LGSN: variants seen among roughly 807,000 people sequenced by gnomAD.
LGSN encodes lengsin, lens protein with glutamine synthetase domain.
In LGSN, 21 loss-of-function variants were observed where a neutral mutation model predicts 19.5. That is an observed-to-expected ratio of 1.07 (90% CI 0.76 to 1.55). LGSN has a LOEUF of 1.55. Ranked by LOEUF, LGSN falls within the 40% of genes most tolerant of loss-of-function variation. The pLI is 0.00. For missense variants in LGSN, 673 were observed against 608.5 expected (o/e 1.11, Z -1.12); for synonymous variants, 257 against 215.6 (o/e 1.19, Z -1.68).
intron 2 of LGSN, 108 bp downstream of exon 2, chr6:63,294,805 T>C: frequency 9.2e-7 from 1 of 1,087,772 alleles, no homozygotes. Context: ...CTTTTATTTG[T>C]CCTTTTGCTT....
chr6:63,547,898 AC>A, the LGSN span, among the ~76,000 whole-genome samples: 4 of 152,112 alleles, frequency 2.6e-5, no homozygotes, highest in Admixed American at 2.6e-4. Flanking sequence ...TTATTTAAAA[AC>A]CACAAATTTG....
chr6:63,516,747 T>C, the LGSN span, among the ~76,000 whole-genome samples: 1 of 152,218 alleles, frequency 6.6e-6, no homozygotes, highest in Non-Finnish European at 1.5e-5. Flanking sequence ...GGCAATGGCA[T>C]GTGCTACTTC....
chr6:63,559,638 A>C, the LGSN span, among the ~76,000 whole-genome samples: 1 of 152,058 alleles, frequency 6.6e-6, no homozygotes, highest in South Asian at 2.1e-4. Context: ...CCAGCTACTC[A>C]GGAGGCTGAG....
chr6:63,470,240 G>A, the LGSN span, among the ~76,000 whole-genome samples: 31 of 151,778 alleles, frequency 2.0e-4, no homozygotes, highest in Non-Finnish European at 2.1e-4. Context: ...GGCCAAGGTG[G>A]GCAGATCACC....
chr6:63,338,925 C>G, the LGSN span, among the ~76,000 whole-genome samples: 1 of 152,066 alleles, frequency 6.6e-6, no homozygotes, highest in Admixed American at 6.5e-5. Flanking sequence ...TTCATAGACC[C>G]AATTATTATT....
chr6:63,319,814 T>C (rs529989487), intron 1 of LGSN, 100 bp downstream of exon 1: 74 of 807,062 alleles, frequency 9.2e-5, no homozygotes, highest in African/African-American at 9.0e-4. Context: ...AGTATAATTA[T>C]GCTGCCCTTA....
the LGSN span, among the ~76,000 whole-genome samples, chr6:63,503,945 C>A: frequency 2.0e-5 from 3 of 151,808 alleles, no homozygotes; most frequent in Non-Finnish European, 2.9e-5. Flanking sequence ...ACAACAATGA[C>A]AAATATATAA....
chr6:63,465,459 G>A, the LGSN span, among the ~76,000 whole-genome samples: 2 of 151,676 alleles, frequency 1.3e-5, no homozygotes, highest in South Asian at 2.1e-4. Flanking sequence ...TGGGATTACA[G>A]GCATGAGCCA....
the LGSN span, among the ~76,000 whole-genome samples, chr6:63,384,764 C>T: frequency 8.6e-4 from 131 of 152,190 alleles, no homozygotes; most frequent in African/African-American, 2.9e-3. Flanking sequence ...CAGGTGATCC[C>T]GCCTCAGCCT....
At chr6:63,544,644 T>C in the LGSN span, among the ~76,000 whole-genome samples, 1 of 152,190 alleles carries the variant, frequency 6.6e-6, no homozygotes, top group Non-Finnish European at 1.5e-5. Flanking sequence ...TTATCTTCTA[T>C]ATGACCTTGA....
At chr6:63,322,893 C>A (rs1435851831), upstream of LGSN, among the ~76,000 whole-genome samples, 1 of 152,172 alleles carries the variant, frequency 6.6e-6, no homozygotes, top group Non-Finnish European at 1.5e-5. Context: ...GTGTCCTTTT[C>A]ATTTGTTTCA....
chr6:63,543,983 T>C, the LGSN span, among the ~76,000 whole-genome samples: 1 of 152,244 alleles, frequency 6.6e-6, no homozygotes, highest in African/African-American at 2.4e-5. Context: ...GTCCAGAGTT[T>C]AATGAACTTT....
the LGSN span, among the ~76,000 whole-genome samples, chr6:63,507,638 A>G: frequency 2.6e-5 from 4 of 152,270 alleles, no homozygotes; most frequent in East Asian, 5.8e-4. Context: ...CCTGGACCTC[A>G]TAAGTTGTAT....
the LGSN span, among the ~76,000 whole-genome samples, chr6:63,430,172 G>T: frequency 6.6e-6 from 1 of 152,042 alleles, no homozygotes; most frequent in African/African-American, 2.4e-5. Flanking sequence ...CCTTCCCATT[G>T]TCCCATTTCA....
chr6:63,465,820 G>T, the LGSN span, among the ~76,000 whole-genome samples: 1 of 152,076 alleles, frequency 6.6e-6, no homozygotes, highest in Non-Finnish European at 1.5e-5. Flanking sequence ...TGAATTTGTG[G>T]ATATTCTGGA....
chr6:63,325,103 CAA>C, the LGSN span, among the ~76,000 whole-genome samples: 18 of 65,252 alleles, frequency 2.8e-4, no homozygotes, highest in South Asian at 1.1e-3. Context: ...AACTCTGTCT[CAA>C]AAAAAAAAAA....
the LGSN span, among the ~76,000 whole-genome samples, chr6:63,397,735 T>C: frequency 6.6e-6 from 1 of 152,084 alleles, no homozygotes; most frequent in Non-Finnish European, 1.5e-5. Flanking sequence ...CTGGCCAACA[T>C]GGTGAAACCC....
the LGSN span, among the ~76,000 whole-genome samples, chr6:63,487,915 G>C: frequency 6.6e-6 from 1 of 151,938 alleles, no homozygotes. Context: ...AAGAGATGGA[G>C]GTTGCAGTGA....
chr6:63,349,152 G>C, the LGSN span, among the ~76,000 whole-genome samples: 449 of 151,836 alleles, frequency 3.0e-3, 3 homozygotes, highest in African/African-American at 0.01. Flanking sequence ...TTTTCAAAGA[G>C]CTTCTTACAT....
Sources: gnomAD v4.1 joint callset for allele counts (sites outside exome capture counted in the v4.1 genomes callset) on GRCh38, gnomAD v4.1.1 for gene constraint, MANE v1.5 for transcripts, NCBI Gene and HGNC (gene_info 2026-07-23, HGNC 2026-07-21) for gene names.